The following PPP1R12B variants were observed in gnomAD, a reference collection of about 807,000 sequenced individuals.
PPP1R12B encodes the protein myosin phosphatase target subunit 2.
In PPP1R12B, 76 loss-of-function variants were observed where a neutral mutation model predicts 126.1. That is an observed-to-expected ratio of 0.60 (90% CI 0.50 to 0.73). PPP1R12B has a LOEUF of 0.73. PPP1R12B is among the 30% of genes least tolerant of loss of function. The pLI is 0.00. For missense variants in PPP1R12B, 1,052 were observed against 1,205.1 expected (o/e 0.87, Z 1.88); for synonymous variants, 356 against 434.7 (o/e 0.82, Z 2.25).
chr1:202,444,986 G>C (rs772386695), intron 12 of PPP1R12B: 1 of 1,225,426 alleles, frequency 8.2e-7, no homozygotes, highest in Admixed American at 4.2e-5. Context: ...GGAAGGTGGT[G>C]CTGGGAAATG....
At chr1:202,547,995 A>C (rs58893248) in intron 18 of PPP1R12B, among the ~76,000 whole-genome samples, 2,952 of 152,352 alleles carry the variant, frequency 0.019, 107 homozygotes, top group African/African-American at 0.067. Context: ...TGTACCAAGC[A>C]CTTACATTTA....
At chr1:202,418,334 A>G (rs1668345192) in intron 2 of PPP1R12B, among the ~76,000 whole-genome samples, 1 of 152,236 alleles carries the variant, frequency 6.6e-6, no homozygotes, top group Non-Finnish European at 1.5e-5. Context: ...ACCAAATCTC[A>G]TTACATTCAA....
In PPP1R12B at chr1:202,585,406, C is replaced by A. The variant is rs1689760000; in HGVS notation, c.*4846C>A. 6.6e-6 allele frequency: 1 copy of A among 152,210 alleles called. No individual in the cohort carries two copies. Among genetic ancestry groups the A allele is most frequent in the Admixed American group, 6.5e-5 (1 of 15,282 alleles). 9.4% of individuals were successfully genotyped at this position (152,210 alleles called of 1,614,324 possible). A position where few individuals can be genotyped will look rare whatever the true frequency, so the allele number is the denominator to read the frequency against. On this transcript the variant is annotated 3_prime_UTR_variant, in exon 24 of 24. Coordinates refer to ENST00000608999, the MANE Select transcript of PPP1R12B (RefSeq NM_002481.4). ...AAAAGGCAACATTAAAAGATAAGACCCTAGAAGTCAGAACATCTGTATTCC... is the reference window on the plus strand; with the variant it reads ...AAAAGGCAACATTAAAAGATAAGACACTAGAAGTCAGAACATCTGTATTCC...
intron 14 of PPP1R12B, among the ~76,000 whole-genome samples, chr1:202,490,097 T>C (rs1262374886): frequency 6.6e-6 from 1 of 151,970 alleles, no homozygotes; most frequent in East Asian, 1.9e-4. Flanking sequence ...GCAATGAGAA[T>C]GGAGAGAAGG....
chr1:202,506,060 A>T (rs1194668739), intron 18 of PPP1R12B, among the ~76,000 whole-genome samples: 1 of 152,152 alleles, frequency 6.6e-6, no homozygotes, highest in African/African-American at 2.4e-5. Flanking sequence ...GCTGTCCTGG[A>T]TTTCTGCAAT....
At chr1:202,384,137 T>C (rs1237668701) in intron 1 of PPP1R12B, among the ~76,000 whole-genome samples, 2 of 152,260 alleles carry the variant, frequency 1.3e-5, no homozygotes, top group African/African-American at 4.8e-5. Context: ...GTACACAGTC[T>C]AGCAGTTCTT....
intron 18 of PPP1R12B, among the ~76,000 whole-genome samples, chr1:202,527,885 G>A (rs920784855): frequency 6.6e-6 from 1 of 152,144 alleles, no homozygotes; most frequent in African/African-American, 2.4e-5. Flanking sequence ...TAAGAATTGA[G>A]GCAAAGAAAA....
At chr1:202,410,369 G>T (rs1667232232) in intron 1 of PPP1R12B, among the ~76,000 whole-genome samples, 1 of 152,240 alleles carries the variant, frequency 6.6e-6, no homozygotes. Flanking sequence ...GCTGCACTAA[G>T]CCCAGCTTCT....
intron 2 of PPP1R12B, 102 bp downstream of exon 2, chr1:202,417,019 CTCTT>C (rs1349247871): frequency 7.1e-6 from 9 of 1,271,854 alleles, no homozygotes; most frequent in Admixed American, 2.9e-5. Context: ...GTTATAATCT[CTCTT>C]TATTACAGAT....
At chr1:202,365,157 A>G (rs925587347) in intron 1 of PPP1R12B, among the ~76,000 whole-genome samples, 4 of 152,300 alleles carry the variant, frequency 2.6e-5, no homozygotes, top group South Asian at 2.1e-4. Flanking sequence ...TAAAATTACC[A>G]TAAGTACTGT....
At chr1:202,379,011 AC>A (rs1260806659) in intron 1 of PPP1R12B, among the ~76,000 whole-genome samples, 1 of 151,880 alleles carries the variant, frequency 6.6e-6, no homozygotes, top group East Asian at 1.9e-4. Context: ...TTGTAACCTT[AC>A]CCACTCCCAT....
chr1:202,462,031 A>T (rs1208942884), intron 13 of PPP1R12B, among the ~76,000 whole-genome samples: 1 of 152,188 alleles, frequency 6.6e-6, no homozygotes, highest in African/African-American at 2.4e-5. Flanking sequence ...TTTTGCAAAC[A>T]AGTACACTCA....
intron 1 of PPP1R12B, among the ~76,000 whole-genome samples, chr1:202,376,747 T>A (rs1478482478): frequency 2.0e-5 from 3 of 152,144 alleles, no homozygotes. Flanking sequence ...TTTTTCAATA[T>A]AATATAAATA....
At chr1:202,548,215 T>G (rs1054273483) in intron 18 of PPP1R12B, among the ~76,000 whole-genome samples, 4 of 152,200 alleles carry the variant, frequency 2.6e-5, no homozygotes, top group African/African-American at 9.7e-5. Context: ...TTTAAATAGC[T>G]CCTAGATTAT....
rs571124003 is a variant in PPP1R12B at position 202,574,736 on chromosome 1, G to A, written c.2862+5539G>A. Among the ~76,000 whole-genome samples, 75 of 152,264 alleles carry A rather than the reference G, an allele frequency of 4.9e-4. 1 individual carries two copies. In the South Asian group the frequency reaches 8.1e-3, roughly 16 times the overall value. On this transcript the variant is annotated intron_variant, in intron 23 of 23. Coordinates refer to ENST00000608999, the MANE Select transcript of PPP1R12B (RefSeq NM_002481.4). ...AGCAATCCATATGTGCCTTTTGAGA[G>A]CCTGGCAGTTATATTCATATGGCAT...
chr1:202,509,138 A>G (rs1214725378), intron 18 of PPP1R12B, among the ~76,000 whole-genome samples: 2 of 152,274 alleles, frequency 1.3e-5, no homozygotes, highest in Non-Finnish European at 1.5e-5. Context: ...GCTAATGTCA[A>G]CATAACTCCA....
rs1683838434 is a variant in PPP1R12B, at chr1:202,530,660, A to G, written c.2491-28217A>G. Among the ~76,000 whole-genome samples, 4 of 152,160 alleles carry G rather than the reference A, an allele frequency of 2.6e-5. No individual in the cohort carries two copies. The South Asian group carries it at 8.3e-4, about 31-fold the overall frequency. ...CAAGATTGGGAACATTTTGTCAGCTAGTAAAGTTATTGTGAGCTCCATGCT... is the reference window on the plus strand; with the variant it reads ...CAAGATTGGGAACATTTTGTCAGCTGGTAAAGTTATTGTGAGCTCCATGCT... On this transcript the variant is annotated intron_variant, in intron 18 of 23. Coordinates refer to ENST00000608999, the MANE Select transcript of PPP1R12B (RefSeq NM_002481.4).
At chr1:202,563,067 G>T in intron 20 of PPP1R12B, 145 bp downstream of exon 20, 1 of 977,562 alleles carries the variant, frequency 1.0e-6, no homozygotes, top group African/African-American at 1.7e-5. Flanking sequence ...AGTTTTCTGG[G>T]TTTACTTCAC....
intron 18 of PPP1R12B, among the ~76,000 whole-genome samples, chr1:202,540,689 C>G (rs1032933326): frequency 3.3e-5 from 5 of 152,128 alleles, no homozygotes; most frequent in African/African-American, 1.2e-4. Flanking sequence ...TTTGCAAGTT[C>G]TGTGTGTGTA....
Sources: allele counts gnomAD v4.1 joint callset (sites outside exome capture counted in the v4.1 genomes callset), GRCh38; gene constraint gnomAD v4.1.1; transcripts MANE v1.5; gene names NCBI Gene and HGNC (gene_info 2026-07-23, HGNC 2026-07-21).